Variants in CDH18 observed in about 807,000 individuals in gnomAD.
The protein encoded by CDH18 is cadherin-18.
A neutral mutation model predicts 67.9 loss-of-function variants in CDH18; 31 were observed. That is an observed-to-expected ratio of 0.46 (90% confidence interval 0.34 to 0.62). The LOEUF (loss-of-function observed/expected upper bound fraction) is 0.62. Ranked by LOEUF, CDH18 falls within the 20% of genes least tolerant of loss-of-function variation. The probability of loss-of-function intolerance (pLI) is 0.01; values close to 1 mark genes in which losing one functional copy is unlikely to be tolerated. For synonymous variants in CDH18, 362 were observed against 347.2 expected (o/e 1.04, Z -0.48); for missense variants, 890 against 975.5 (o/e 0.91, Z 1.17).
chr5:19,597,242 C>T (rs533619919), intron 6 of CDH18, among the ~76,000 whole-genome samples: 31 of 152,270 alleles, frequency 2.0e-4, no homozygotes, highest in African/African-American at 6.7e-4. Flanking sequence ...TGGGCAAGAC[C>T]TCAGCCCCTG....
chr5:20,414,241 T>C (rs561284797), intron 1 of CDH18, among the ~76,000 whole-genome samples: 1 of 152,316 alleles, frequency 6.6e-6, no homozygotes, highest in Admixed American at 6.5e-5. Context: ...ATGTTTATCG[T>C]AGCACTATTC....
At chr5:19,674,812 T>G (rs1759238671) in intron 5 of CDH18, among the ~76,000 whole-genome samples, 1 of 152,122 alleles carries the variant, frequency 6.6e-6, no homozygotes, top group Non-Finnish European at 1.5e-5. Context: ...CACCGGTTTA[T>G]CGTTACACAA....
intron 1 of CDH18, among the ~76,000 whole-genome samples, chr5:20,427,888 A>G (rs1193139389): frequency 6.6e-6 from 1 of 151,204 alleles, no homozygotes; most frequent in Non-Finnish European, 1.5e-5. Context: ...CCACTTTTCT[A>G]ATCAGAACAT....
chr5:19,947,889 G>A (rs151248675), intron 2 of CDH18, among the ~76,000 whole-genome samples: 8 of 152,094 alleles, frequency 5.3e-5, no homozygotes, highest in African/African-American at 9.6e-5. Flanking sequence ...CAAACAAAAG[G>A]GTTTTATGTA....
chr5:19,989,311 T>C (rs796299748), upstream of CDH18, among the ~76,000 whole-genome samples: 34 of 152,312 alleles, frequency 2.2e-4, no homozygotes, highest in African/African-American at 7.7e-4. Context: ...GCTTAGTTGA[T>C]AAAACTACAA....
At chr5:20,278,543 T>C (rs1439361160) in intron 1 of CDH18, among the ~76,000 whole-genome samples, 1 of 152,112 alleles carries the variant, frequency 6.6e-6, no homozygotes, top group Non-Finnish European at 1.5e-5. Flanking sequence ...AAAAAAGATG[T>C]TAATGAGCAA....
intron 2 of CDH18, among the ~76,000 whole-genome samples, chr5:19,943,568 CTCAT>C (rs1031249189): frequency 5.9e-5 from 9 of 152,040 alleles, no homozygotes; most frequent in Non-Finnish European, 1.2e-4. Context: ...ATTTTAAGAT[CTCAT>C]TTACAGAAAA....
intron 1 of CDH18, among the ~76,000 whole-genome samples, chr5:20,443,762 C>A (rs940545234): frequency 6.6e-6 from 1 of 151,882 alleles, no homozygotes; most frequent in African/African-American, 2.4e-5. Context: ...GTAATCATTT[C>A]TCTATCTCTC....
intron 2 of CDH18, among the ~76,000 whole-genome samples, chr5:19,957,614 A>G (rs968829326): frequency 6.6e-6 from 1 of 151,956 alleles, no homozygotes. Flanking sequence ...TTTTGGGTAC[A>G]CTTAGAAATA....
At chr5:19,873,789 A>G (rs142774880) in intron 2 of CDH18, among the ~76,000 whole-genome samples, 2,698 of 152,200 alleles carry the variant, frequency 0.018, 38 homozygotes, top group Non-Finnish European at 0.027. Flanking sequence ...CTGGGACTAC[A>G]GGAATATGCT....
chr5:19,692,814 C>A (rs1285376971), intron 5 of CDH18, among the ~76,000 whole-genome samples: 1 of 151,294 alleles, frequency 6.6e-6, no homozygotes, highest in Non-Finnish European at 1.5e-5. Flanking sequence ...TTATGTACAA[C>A]AACATGGAAA....
chr5:19,496,405 A>AT lies in CDH18; in HGVS notation c.1630+6586dup, dbSNP rs1230705281. ...CTTGAATGTTTTTGTCCCGTCCCAA[A>AT]TTCATGTGTTGGAATCTTAGTCACC... is the stretch of plus-strand genomic sequence containing the variant. On this transcript the variant is annotated intron_variant, in intron 11 of 12. Coordinates refer to ENST00000382275, the MANE Select transcript of CDH18 (RefSeq NM_004934.5). Among the ~76,000 whole-genome samples, 5 of 152,176 alleles carry AT rather than the reference A, an allele frequency of 3.3e-5. No homozygotes were observed. The South Asian group carries it at 1.0e-3, about 32-fold the overall frequency.
At chr5:20,441,642 TTTAG>T (rs1287590065) in intron 1 of CDH18, among the ~76,000 whole-genome samples, 2 of 152,032 alleles carry the variant, frequency 1.3e-5, no homozygotes, top group African/African-American at 4.8e-5. Context: ...TTCTCTTAAC[TTTAG>T]TTAATTCCTT....
intron 1 of CDH18, among the ~76,000 whole-genome samples, chr5:20,348,015 AT>A (rs1451315544): frequency 6.6e-6 from 1 of 152,154 alleles, no homozygotes; most frequent in Non-Finnish European, 1.5e-5. Flanking sequence ...TGGGACAAGA[AT>A]TTGGACTTAG....
At chr5:20,187,687 T>G (rs1256558581) in intron 2 of CDH18, among the ~76,000 whole-genome samples, 2 of 151,894 alleles carry the variant, frequency 1.3e-5, no homozygotes, top group Admixed American at 6.6e-5. Context: ...TAATAAATCT[T>G]GAAAATATAT....
intron 5 of CDH18, among the ~76,000 whole-genome samples, chr5:19,621,391 G>A (rs1398186915): frequency 6.6e-6 from 1 of 152,022 alleles, no homozygotes; most frequent in Non-Finnish European, 1.5e-5. Context: ...AGTATGAGGT[G>A]ATATCTCCTT....
In CDH18 at chr5:19,591,091, T is replaced by C; in HGVS notation, c.965A>G (p.Lys322Arg). 1 of 1,607,748 alleles carries C rather than the reference T, an allele frequency of 6.2e-7. No individual in the cohort carries two copies. The highest frequency in any genetic ancestry group is 8.5e-7 in the Non-Finnish European group (1 of 1,176,910). Reference sequence around the variant, plus strand: ...AGAAAGGATTCCTTCTCTGGTCTCTTTGTCAGTGGAGATTGAGAATATTCC... The same window carrying C: ...AGAAAGGATTCCTTCTCTGGTCTCTCTGTCAGTGGAGATTGAGAATATTCC... ...GMGIFSISTD[K>R]ETREGILSLK... Residue 322 changes from lysine (K) to arginine (R), a missense_variant, in exon 7 of 13, where the codon AAA becomes AGA. Lys to Arg is a conservative substitution (Grantham distance 26, BLOSUM62 2). Transcript: ENST00000382275.
intron 2 of CDH18, among the ~76,000 whole-genome samples, chr5:20,041,689 A>G (rs2150473503): frequency 6.6e-6 from 1 of 152,308 alleles, no homozygotes; most frequent in Non-Finnish European, 1.5e-5. Context: ...CGCACTTTTA[A>G]AAATTTTGAG....
chr5:19,978,763 CT>C (rs1204009162), intron 2 of CDH18, among the ~76,000 whole-genome samples: 2 of 152,152 alleles, frequency 1.3e-5, no homozygotes, highest in Non-Finnish European at 2.9e-5. Context: ...CACATGATCA[CT>C]GTGTCCTCCT....
Sources: gnomAD v4.1 joint callset for allele counts (sites outside exome capture counted in the v4.1 genomes callset) on GRCh38, gnomAD v4.1.1 for gene constraint, MANE v1.5 for transcripts, NCBI Gene and HGNC (gene_info 2026-07-23, HGNC 2026-07-21) for gene names.